KLRG1: variants seen among roughly 807,000 people sequenced by gnomAD.
KLRG1 encodes the protein killer cell lectin-like receptor subfamily G member 1.
A neutral mutation model predicts 21.8 loss-of-function variants in KLRG1; 16 were observed. That is an observed-to-expected ratio of 0.73 (90% CI 0.50 to 1.11). The LOEUF (loss-of-function observed/expected upper bound fraction) is 1.11. Ranked by LOEUF, KLRG1 falls within the 50% of genes most tolerant of loss-of-function variation. The pLI is 0.00. For missense variants in KLRG1, 173 were observed against 218.3 expected (o/e 0.79, Z 1.31); for synonymous variants, 69 against 75.9 (o/e 0.91, Z 0.47).
At chr12:9,117,012 TA>T in the KLRG1 span, among the ~76,000 whole-genome samples, 3 of 152,130 alleles carry the variant, frequency 2.0e-5, no homozygotes, top group African/African-American at 2.4e-5. Context: ...TGGAACCTTT[TA>T]AAAAAATTTT....
the KLRG1 span, chr12:9,027,536 T>G: frequency 8.7e-7 from 1 of 1,151,568 alleles, no homozygotes. Context: ...ATTAAAATCT[T>G]CTGCCACTGC....
intron 1 of KLRG1, among the ~76,000 whole-genome samples, chr12:8,981,006 C>T (rs1946746698): frequency 6.6e-6 from 1 of 152,190 alleles, no homozygotes; most frequent in Non-Finnish European, 1.5e-5. Flanking sequence ...TCTGCATGAC[C>T]ATCCTCAGTT....
At chr12:8,976,952 T>G (rs1474104871) in intron 1 of KLRG1, among the ~76,000 whole-genome samples, 1 of 152,106 alleles carries the variant, frequency 6.6e-6, no homozygotes, top group East Asian at 1.9e-4. Context: ...GGTTTCACCA[T>G]GTTGGTCAGG....
chr12:9,068,138 C>G, the KLRG1 span: 1 of 1,607,232 alleles, frequency 6.2e-7, no homozygotes, highest in Non-Finnish European at 8.5e-7. Context: ...GGGGGGCAAG[C>G]TGAAGGAGCT....
At chr12:9,144,338 G>A in the KLRG1 span, among the ~76,000 whole-genome samples, 1 of 152,196 alleles carries the variant, frequency 6.6e-6, no homozygotes, top group Non-Finnish European at 1.5e-5. Flanking sequence ...GAGCCTCACA[G>A]TTCCCTTCAG....
chr12:9,013,528 A>G (rs1353971145), downstream of KLRG1, among the ~76,000 whole-genome samples: 5 of 152,136 alleles, frequency 3.3e-5, no homozygotes, highest in Non-Finnish European at 7.3e-5. Context: ...AGACTGGGCA[A>G]TTTACTAAAA....
At chr12:9,050,747 C>T in the KLRG1 span, among the ~76,000 whole-genome samples, 6 of 152,194 alleles carry the variant, frequency 3.9e-5, no homozygotes, top group Non-Finnish European at 5.9e-5. Flanking sequence ...GTGGGAACCT[C>T]CCCCCTTTCA....
the KLRG1 span, chr12:9,099,608 G>A: frequency 6.9e-7 from 1 of 1,447,776 alleles, no homozygotes; most frequent in Admixed American, 2.5e-5. Flanking sequence ...ATAAACAGTA[G>A]ATGTAACAAA....
the KLRG1 span, chr12:9,153,402 C>T: frequency 6.9e-7 from 1 of 1,438,950 alleles, no homozygotes. Context: ...CTGGGATTTT[C>T]CCCCAAAGTC....
At chr12:9,171,276 A>T in the KLRG1 span, among the ~76,000 whole-genome samples, 10 of 152,190 alleles carry the variant, frequency 6.6e-5, no homozygotes, top group Non-Finnish European at 1.5e-5. Context: ...GAGTGGCTTG[A>T]CTGCTAAAAG....
At chr12:9,163,815 G>C in the KLRG1 span, 1 of 1,605,516 alleles carries the variant, frequency 6.2e-7, no homozygotes, top group Non-Finnish European at 8.5e-7. Context: ...TTGAAAACAT[G>C]AGTATCCACT....
downstream of KLRG1, among the ~76,000 whole-genome samples, chr12:9,013,460 A>G (rs114751341): frequency 0.015 from 2,312 of 152,300 alleles, 55 homozygotes; most frequent in African/African-American, 0.052. Context: ...AGGAAGCTCA[A>G]TGAAATTCAA....
At chr12:9,079,160 A>G in the KLRG1 span, 2 of 1,012,016 alleles carry the variant, frequency 2.0e-6, no homozygotes, top group Non-Finnish European at 3.0e-6. Context: ...CATATCTGAT[A>G]GTGTTGCTGT....
chr12:9,197,896 A>G, the KLRG1 span, among the ~76,000 whole-genome samples: 1 of 125,392 alleles, frequency 8.0e-6, no homozygotes, highest in Non-Finnish European at 1.6e-5. Flanking sequence ...TAATATATAA[A>G]TTATATATAT....
At chr12:9,024,018 ATTTTTTTTTTT>A in the KLRG1 span, among the ~76,000 whole-genome samples, 53 of 70,942 alleles carry the variant, frequency 7.5e-4, 1 homozygote, top group African/African-American at 3.0e-3. Flanking sequence ...GAACACATGG[ATTTTTTTTTTT>A]TTTTTTTTTT....
chr12:9,164,553 A>G, the KLRG1 span, among the ~76,000 whole-genome samples: 2 of 152,290 alleles, frequency 1.3e-5, no homozygotes, highest in Admixed American at 1.3e-4. Context: ...AGGGAATACT[A>G]TCTGCTGCTA....
the KLRG1 span, among the ~76,000 whole-genome samples, chr12:9,025,064 G>A: frequency 6.6e-6 from 1 of 152,166 alleles, no homozygotes; most frequent in Non-Finnish European, 1.5e-5. Context: ...ATAATGAGAG[G>A]AGAGTATTCA....
chr12:9,014,494 G>A (rs1454983842), downstream of KLRG1, among the ~76,000 whole-genome samples: 1 of 152,090 alleles, frequency 6.6e-6, no homozygotes, highest in Non-Finnish European at 1.5e-5. Flanking sequence ...TTACCCTAGA[G>A]TAATGTATCC....
upstream of KLRG1, among the ~76,000 whole-genome samples, chr12:8,985,625 C>T (rs1284622634): frequency 6.6e-6 from 1 of 152,124 alleles, no homozygotes; most frequent in Admixed American, 6.5e-5. Flanking sequence ...TGGAGCAGCT[C>T]ACAGAACTCA....
Sources: allele counts gnomAD v4.1 joint callset (sites outside exome capture counted in the v4.1 genomes callset), GRCh38; gene constraint gnomAD v4.1.1; transcripts MANE v1.5; gene names NCBI Gene and HGNC (gene_info 2026-07-23, HGNC 2026-07-21).